SNX29: variants seen among roughly 807,000 people sequenced by gnomAD.
SNX29 encodes sorting nexin 29.
A neutral mutation model predicts 102.1 loss-of-function variants in SNX29; 78 were observed. That is an observed-to-expected ratio of 0.76 (90% CI 0.64 to 0.92). The LOEUF is 0.92. Among genes scored for constraint, SNX29 ranks in the 40% least tolerant of loss-of-function variants. SNX29 has a pLI of 0.00. For missense variants in SNX29, 1,280 were observed against 1,061.7 expected, an observed-to-expected ratio of 1.21 and a Z score of -2.86; for synonymous variants, 580 against 414.5, an observed-to-expected ratio of 1.40 and a Z score of -4.85.
chr16:12,119,613 A>G (rs896554639), intron 11 of SNX29, among the ~76,000 whole-genome samples: 6 of 152,232 alleles, frequency 3.9e-5, no homozygotes, highest in African/African-American at 1.4e-4. Context: ...AAGAGGACAG[A>G]GAAAGACTGG....
intron 11 of SNX29, chr16:12,088,043 C>T (rs1218697336): frequency 2.2e-6 from 1 of 456,648 alleles, no homozygotes; most frequent in South Asian, 1.5e-5. Context: ...TCTGGCTTTG[C>T]TTGTGTCTCT....
intron 18 of SNX29, among the ~76,000 whole-genome samples, chr16:12,412,384 A>G (rs1227633904): frequency 6.6e-6 from 1 of 152,220 alleles, no homozygotes; most frequent in Non-Finnish European, 1.5e-5. Context: ...GTCTCAGTGA[A>G]ATGAACCTGT....
intron 20 of SNX29, chr16:12,557,485 T>C (rs8052421): frequency 0.77 from 117,357 of 152,042 alleles, 45,882 homozygotes; most frequent in Middle Eastern, 0.85. Context: ...CTTCAGCCTC[T>C]TAAGTAGCTG....
At chr16:12,430,328 T>G (rs1567554796) in intron 18 of SNX29, among the ~76,000 whole-genome samples, 1 of 151,996 alleles carries the variant, frequency 6.6e-6, no homozygotes, top group Non-Finnish European at 1.5e-5. Context: ...ACTTGGAGGG[T>G]GGTTGTGAAG....
In SNX29 at chr16:12,118,083, C is replaced by T. The variant is rs1437142086; in HGVS notation, c.1403-8550C>T. Among the ~76,000 whole-genome samples, 7 of 151,888 alleles carry T rather than the reference C, an allele frequency of 4.6e-5. No homozygotes were observed. In the South Asian group the frequency reaches 6.2e-4, roughly 14 times the overall value. On this transcript the variant is annotated intron_variant, in intron 11 of 20. Transcript: ENST00000566228. ...CTGTACTTCAGCCTGGGCGACAGAG[C>T]GAGACTCTGTCTCAAAAATAAAAAC...
chr16:12,549,708 C>T (rs1305461835), intron 20 of SNX29, among the ~76,000 whole-genome samples: 1 of 152,168 alleles, frequency 6.6e-6, no homozygotes, highest in Non-Finnish European at 1.5e-5. Flanking sequence ...CTGCTTGGGG[C>T]CAGGAGAGTC....
chr16:12,495,236 C>T (rs751949836), intron 19 of SNX29, among the ~76,000 whole-genome samples: 2 of 152,180 alleles, frequency 1.3e-5, no homozygotes, highest in African/African-American at 4.8e-5. Flanking sequence ...ACTGCACCCT[C>T]TACCTCCCAG....
At chr16:12,448,237 T>C (rs765701543) in intron 18 of SNX29, among the ~76,000 whole-genome samples, 12 of 152,172 alleles carry the variant, frequency 7.9e-5, no homozygotes, top group Admixed American at 6.5e-4. Flanking sequence ...AGCCTGTGAG[T>C]TTCCAGCTGA....
At chr16:12,179,796 C>T (rs1415744154) in intron 13 of SNX29, among the ~76,000 whole-genome samples, 2 of 152,178 alleles carry the variant, frequency 1.3e-5, no homozygotes, top group Non-Finnish European at 1.5e-5. Context: ...TATTGTGGAT[C>T]CAAAAATTTG....
At chr16:12,462,877 A>C (rs1017439142) in intron 18 of SNX29, among the ~76,000 whole-genome samples, 5 of 152,206 alleles carry the variant, frequency 3.3e-5, no homozygotes, top group African/African-American at 9.7e-5. Context: ...GCATGACTCA[A>C]ATATCCAGAC....
intron 20 of SNX29, among the ~76,000 whole-genome samples, chr16:12,564,300 T>C (rs962815670): frequency 6.6e-6 from 1 of 152,238 alleles, no homozygotes; most frequent in Non-Finnish European, 1.5e-5. Context: ...ATGAAGTTGC[T>C]GGCTAGACTT....
chr16:12,407,744 C>G (rs565994487), intron 18 of SNX29, among the ~76,000 whole-genome samples: 23 of 152,300 alleles, frequency 1.5e-4, no homozygotes, highest in African/African-American at 4.1e-4. Flanking sequence ...TTTTCAGCCC[C>G]CAAAGCAGTC....
chr16:12,162,267 C>T (rs954626441), intron 13 of SNX29, among the ~76,000 whole-genome samples: 3 of 152,182 alleles, frequency 2.0e-5, no homozygotes, highest in Admixed American at 2.0e-4. Flanking sequence ...GTCTGTTTAC[C>T]CTCTCATCGT....
intron 14 of SNX29, among the ~76,000 whole-genome samples, chr16:12,237,681 T>C (rs1567343736): frequency 1.4e-5 from 2 of 143,344 alleles, no homozygotes; most frequent in Non-Finnish European, 3.1e-5. Flanking sequence ...CTGAGGTGGA[T>C]GGATCACCTG....
intron 14 of SNX29, among the ~76,000 whole-genome samples, chr16:12,239,639 C>CAAAAAAAAAAA (rs61024203): frequency 8.0e-5 from 5 of 62,566 alleles, no homozygotes; most frequent in African/African-American, 2.5e-4. Flanking sequence ...CCTGTTTCTA[C>CAAAAAAAAAAA]AAAAAAAAAA....
At position 12,042,905 on chromosome 16, in the gene SNX29, T is replaced by C. The variant is rs1755518712; in HGVS notation, c.256T>C (p.Phe86Leu). 1 of 1,609,568 alleles carries C rather than the reference T, an allele frequency of 6.2e-7. No individual in the cohort carries two copies. The highest frequency in any genetic ancestry group is 8.5e-7 in the Non-Finnish European group (1 of 1,176,680). The change falls in exon 5 of 21, where the codon TTC (phenylalanine) becomes CTC (leucine). Residue 86 changes from phenylalanine (F) to leucine (L), a missense_variant. By Grantham distance (22) the Phe-to-Leu change is conservative. Coordinates refer to ENST00000566228, the MANE Select transcript of SNX29 (RefSeq NM_032167.5). ...FASKTETEPV[F>L]WYYVKEVLNK... is the part of the protein sequence containing the mutation. ...GTGCCCTCTCTCCGTAGAGCCCGTG[T>C]TCTGGTACTACGTGAAGGAGGTCCT...
chr16:12,338,542 A>G (rs2081520923), intron 15 of SNX29, among the ~76,000 whole-genome samples: 1 of 152,234 alleles, frequency 6.6e-6, no homozygotes, highest in Admixed American at 6.5e-5. Flanking sequence ...AATCTGTATC[A>G]TTAAAGTTTC....
At position 12,226,726 on chromosome 16, in the gene SNX29, A is replaced by G. The variant is rs968774602; in HGVS notation, c.1678+27043A>G. 5.9e-5 allele frequency among the ~76,000 whole-genome samples: 9 copies of G among 152,070 alleles called. No individual in the cohort carries two copies. The South Asian group carries it at 8.3e-4, about 14-fold the overall frequency. On this transcript the variant is annotated intron_variant, in intron 14 of 20. Transcript: ENST00000566228. ...GTAGCCGGGATTACAGGTGTGTGTC[A>G]TCATACCCAGCTAATTTTTTGTGTG...
chr16:12,140,419 T>C (rs1366421495), intron 13 of SNX29, among the ~76,000 whole-genome samples: 2 of 152,190 alleles, frequency 1.3e-5, no homozygotes, highest in Non-Finnish European at 2.9e-5. Context: ...CCATTCCCCC[T>C]GGAGCTGGGG....
Sources: gnomAD v4.1 joint callset for allele counts (sites outside exome capture counted in the v4.1 genomes callset) on GRCh38, gnomAD v4.1.1 for gene constraint, MANE v1.5 for transcripts, NCBI Gene and HGNC (gene_info 2026-07-23, HGNC 2026-07-21) for gene names.